Variants in OR56A3 observed in about 807,000 individuals in gnomAD.
The protein encoded by OR56A3 is olfactory receptor family 56 subfamily A member 3.
OR56A3 carries 23 observed loss-of-function variants against 17.5 expected under a neutral mutation model. The ratio of observed to expected loss-of-function variants is 1.32; its 90% CI spans 0.95 to 1.87. The LOEUF (loss-of-function observed/expected upper bound fraction) is 1.87. OR56A3 is among the 40% of genes most tolerant of loss of function. The probability of loss-of-function intolerance (pLI) is 0.00; values close to 1 mark genes in which losing one functional copy is unlikely to be tolerated. For synonymous variants in OR56A3, 175 were observed against 150.6 expected (o/e 1.16, Z -1.19); for missense variants, 366 against 380.1 (o/e 0.96, Z 0.31).
chr11:6,010,957 A>C, the OR56A3 span, among the ~76,000 whole-genome samples: 1 of 151,942 alleles, frequency 6.6e-6, no homozygotes, highest in Non-Finnish European at 1.5e-5. Flanking sequence ...TCCCCTTGTG[A>C]GTATTCAAAT....
chr11:5,957,662 A>C, the OR56A3 span, among the ~76,000 whole-genome samples: 1 of 152,220 alleles, frequency 6.6e-6, no homozygotes, highest in African/African-American at 2.4e-5. Flanking sequence ...TCAGGCTACC[A>C]CTGGAATTTT....
chr11:5,981,002 A>C, the OR56A3 span, among the ~76,000 whole-genome samples: 75 of 152,160 alleles, frequency 4.9e-4, no homozygotes, highest in Non-Finnish European at 5.0e-4. Context: ...CATCTCTTTT[A>C]GTTTGTGAGG....
chr11:5,966,709 A>G, the OR56A3 span, among the ~76,000 whole-genome samples: 6 of 152,186 alleles, frequency 3.9e-5, no homozygotes, highest in Admixed American at 1.3e-4. Flanking sequence ...ACAGGACATG[A>G]AGATTGAGAC....
chr11:5,966,968 C>A, the OR56A3 span, among the ~76,000 whole-genome samples: 1 of 147,492 alleles, frequency 6.8e-6, no homozygotes, highest in African/African-American at 2.5e-5. Context: ...GGAAAAAAAA[C>A]TATAAGAAAT....
At chr11:5,958,895 G>A in the OR56A3 span, among the ~76,000 whole-genome samples, 2 of 152,124 alleles carry the variant, frequency 1.3e-5, no homozygotes, top group Non-Finnish European at 2.9e-5. Flanking sequence ...GTCTTCCTGT[G>A]TCTGGCTTAT....
At chr11:6,008,618 T>C in the OR56A3 span, among the ~76,000 whole-genome samples, 1 of 151,932 alleles carries the variant, frequency 6.6e-6, no homozygotes, top group African/African-American at 2.4e-5. Context: ...AGAACCACAA[T>C]TTCCTCATCT....
chr11:5,963,193 CTG>C, the OR56A3 span, among the ~76,000 whole-genome samples: 1 of 151,960 alleles, frequency 6.6e-6, no homozygotes, highest in Non-Finnish European at 1.5e-5. Flanking sequence ...CTGCTATTGT[CTG>C]TAATATTTTC....
At chr11:5,981,216 G>A in the OR56A3 span, among the ~76,000 whole-genome samples, 1 of 152,174 alleles carries the variant, frequency 6.6e-6, no homozygotes, top group Non-Finnish European at 1.5e-5. Flanking sequence ...ACTCTCTACT[G>A]AGGTTGGGAA....
the OR56A3 span, among the ~76,000 whole-genome samples, chr11:5,991,857 C>T: frequency 6.6e-6 from 1 of 152,288 alleles, no homozygotes; most frequent in South Asian, 2.1e-4. Context: ...TACCAATTGG[C>T]AGGTCCCAGA....
chr11:5,950,312 C>A lies in OR56A3; in HGVS notation c.*2018C>A, dbSNP rs1847900485. ...CATATTGAGGGATTTAGAGTACATA[C>A]CTCCCTGAGATTAAGAAAATTTTCC... On this transcript the variant is annotated 3_prime_UTR_variant, in exon 3 of 3. Coordinates refer to ENST00000641160, the MANE Select transcript of OR56A3 (RefSeq NM_001003443.3). The A allele has an allele frequency of 6.6e-6, 1 of 152,078 alleles. No individual in the cohort carries two copies. The highest frequency in any genetic ancestry group is 2.4e-5 in the African/African-American group (1 of 41,420). The allele number at this position is 152,078 out of a possible 1,614,324, so 9.4% of individuals were successfully genotyped here.
chr11:5,954,844 A>C (rs1361472553), downstream of OR56A3, among the ~76,000 whole-genome samples: 1 of 152,208 alleles, frequency 6.6e-6, no homozygotes, highest in Non-Finnish European at 1.5e-5. Flanking sequence ...AGAAGAGAGC[A>C]TAAAAGTCTT....
rs920827282 is a variant in OR56A3, at chr11:5,949,357, G to A, written c.*1063G>A. On this transcript the variant is annotated 3_prime_UTR_variant, in exon 3 of 3. Transcript: ENST00000641160. ...ATATGTATGGGCAGTAAGATACTTG[G>A]TCCTGTAAGGAAACATTAGATAAAG... The A allele has an allele frequency of 6.6e-6, 1 of 152,168 alleles. No individual in the cohort carries two copies. The highest frequency in any genetic ancestry group is 1.5e-5 in the Non-Finnish European group (1 of 68,046). 9.4% of individuals were successfully genotyped at this position (152,168 alleles called of 1,614,324 possible).
the OR56A3 span, chr11:6,017,211 A>G: frequency 2.6e-5 from 4 of 152,240 alleles, no homozygotes; most frequent in African/African-American, 9.6e-5. Flanking sequence ...GAAAGAGAAG[A>G]GAGAAGAGAT....
At chr11:6,006,638 C>G in the OR56A3 span, among the ~76,000 whole-genome samples, 1 of 152,148 alleles carries the variant, frequency 6.6e-6, no homozygotes, top group Admixed American at 6.5e-5. Flanking sequence ...AGGCACAGAG[C>G]CTTGACCTCA....
the OR56A3 span, chr11:6,000,670 T>C: frequency 6.6e-6 from 1 of 152,056 alleles, no homozygotes; most frequent in Non-Finnish European, 1.5e-5. Flanking sequence ...CAAATGGTGA[T>C]AATGGTAAAA....
chr11:5,983,223 C>A, the OR56A3 span, among the ~76,000 whole-genome samples: 993 of 152,152 alleles, frequency 6.5e-3, 16 homozygotes, highest in African/African-American at 0.023. Flanking sequence ...CTAATATAGG[C>A]ATTTAAAGTA....
the OR56A3 span, among the ~76,000 whole-genome samples, chr11:6,016,560 C>A: frequency 6.6e-6 from 1 of 152,016 alleles, no homozygotes; most frequent in Non-Finnish European, 1.5e-5. Context: ...GAGACTGTTA[C>A]ACCAAATGTG....
the OR56A3 span, chr11:6,002,271 A>G: frequency 4.3e-6 from 7 of 1,614,114 alleles, no homozygotes; most frequent in Non-Finnish European, 8.5e-7. Flanking sequence ...ACACGTGCTC[A>G]AGGCCTTGGC....
Position 5,947,464 on chromosome 11 carries a change from C to A in OR56A3, c.118C>A (p.Leu40Ile). 1 of 1,614,062 alleles carries A rather than the reference C, an allele frequency of 6.2e-7. No homozygotes were observed. Among genetic ancestry groups the A allele is most frequent in the Non-Finnish European group, 8.5e-7 (1 of 1,179,910 alleles). The change falls in exon 3 of 3, where the codon CTC (leucine) becomes ATC (isoleucine). Residue 40 changes from leucine to isoleucine, a missense_variant. Leu to Ile is a conservative substitution (Grantham distance 5). Transcript: ENST00000641160. ...WLSLPLSLLF[L>I]LAVGANTTLL... ...GTCCCTGCCCCTCAGCCTCCTTTTC[C>A]TCTTGGCCGTAGGGGCCAACACCAC...
Sources: allele counts gnomAD v4.1 joint callset (sites outside exome capture counted in the v4.1 genomes callset), GRCh38; gene constraint gnomAD v4.1.1; transcripts MANE v1.5; gene names NCBI Gene and HGNC (gene_info 2026-07-23, HGNC 2026-07-21).